Variants in GUCY1B1 observed in about 807,000 individuals in gnomAD.
GUCY1B1 encodes the protein guanylate cyclase 1 soluble subunit beta 1, also known as guanylate cyclase soluble subunit beta-1.
GUCY1B1 carries 43 observed loss-of-function variants against 71.0 expected under a neutral mutation model. The ratio of observed to expected loss-of-function variants is 0.61; its 90% CI spans 0.47 to 0.78. The LOEUF (loss-of-function observed/expected upper bound fraction) is 0.78, where lower values mean the gene tolerates loss of function less well. Among genes scored for constraint, GUCY1B1 ranks in the 30% least tolerant of loss-of-function variants. GUCY1B1 has a pLI of 0.00. For missense variants in GUCY1B1, 535 were observed against 754.1 expected (o/e 0.71, Z 3.40); for synonymous variants, 266 against 259.7 (o/e 1.02, Z -0.23).
chr4:155,779,521 C>T (rs1738277026), intron 4 of GUCY1B1, among the ~76,000 whole-genome samples: 1 of 151,480 alleles, frequency 6.6e-6, no homozygotes, highest in Admixed American at 6.6e-5. Flanking sequence ...TTTTATTTCT[C>T]TTTCAACGTG....
intron 2 of GUCY1B1, among the ~76,000 whole-genome samples, chr4:155,762,929 CAA>C (rs1737095679): frequency 6.6e-6 from 1 of 152,064 alleles, no homozygotes; most frequent in African/African-American, 2.4e-5. Flanking sequence ...TGTGAAAAAG[CAA>C]AAGAGACCTC....
At chr4:155,799,366 G>A (rs576837369) in intron 8 of GUCY1B1, among the ~76,000 whole-genome samples, 94 of 152,270 alleles carry the variant, frequency 6.2e-4, no homozygotes, top group African/African-American at 2.2e-3. Context: ...TAAATTACAT[G>A]CTGAGGCTGG....
At chr4:155,799,179 A>G (rs1275376006) in intron 8 of GUCY1B1, among the ~76,000 whole-genome samples, 3 of 152,176 alleles carry the variant, frequency 2.0e-5, no homozygotes, top group African/African-American at 7.2e-5. Context: ...TTTACTTGTC[A>G]GATTATCACT....
intron 11 of GUCY1B1, among the ~76,000 whole-genome samples, chr4:155,804,343 C>T (rs1740163535): frequency 6.6e-6 from 1 of 152,028 alleles, no homozygotes. Flanking sequence ...AGGGGAACAT[C>T]ACACACCGGG....
chr4:155,780,114 G>GT (rs1275726913), intron 4 of GUCY1B1, among the ~76,000 whole-genome samples: 5 of 152,024 alleles, frequency 3.3e-5, no homozygotes, highest in Non-Finnish European at 7.4e-5. Context: ...TCGTCGTATC[G>GT]TTTTCTTGCT....
chr4:155,775,337 T>C (rs1737968592), intron 3 of GUCY1B1, among the ~76,000 whole-genome samples: 1 of 152,204 alleles, frequency 6.6e-6, no homozygotes, highest in African/African-American at 2.4e-5. Flanking sequence ...TCACCCAGGC[T>C]GCACTGCAGT....
intron 9 of GUCY1B1, among the ~76,000 whole-genome samples, chr4:155,800,623 T>C (rs1739880843): frequency 6.6e-6 from 1 of 152,194 alleles, no homozygotes; most frequent in African/African-American, 2.4e-5. Flanking sequence ...AATATCAAAA[T>C]ATAAAACATT....
At chr4:155,759,908 G>T (rs533392888) in intron 2 of GUCY1B1, 48 bp downstream of exon 2, 72 of 1,406,264 alleles carry the variant, frequency 5.1e-5, no homozygotes, top group Middle Eastern at 1.8e-4. Flanking sequence ...CGCCCAGTGT[G>T]GGAGGCCCCC....
intron 2 of GUCY1B1, among the ~76,000 whole-genome samples, chr4:155,766,706 T>C (rs1303136264): frequency 6.6e-6 from 1 of 152,188 alleles, no homozygotes; most frequent in Non-Finnish European, 1.5e-5. Flanking sequence ...GACAATTTCA[T>C]ATGTCAAAAG....
chr4:155,785,505 G>A (rs1012240996), intron 4 of GUCY1B1, among the ~76,000 whole-genome samples: 10 of 152,050 alleles, frequency 6.6e-5, no homozygotes, highest in African/African-American at 2.2e-4. Flanking sequence ...CATTGTTAGA[G>A]CAATGTGGAT....
chr4:155,772,771 A>T, intron 2 of GUCY1B1: 2 of 702,530 alleles, frequency 2.8e-6, no homozygotes, highest in Non-Finnish European at 5.2e-6. Context: ...GCTCCGGTTC[A>T]TTTAGCTGGT....
At chr4:155,792,859 G>C (rs1174150140) in intron 5 of GUCY1B1, among the ~76,000 whole-genome samples, 1 of 152,060 alleles carries the variant, frequency 6.6e-6, no homozygotes. Flanking sequence ...CTTTAGAAAA[G>C]TAGGATTTTT....
At chr4:155,791,488 T>C (rs1459856383) in intron 5 of GUCY1B1, among the ~76,000 whole-genome samples, 2 of 145,398 alleles carry the variant, frequency 1.4e-5, no homozygotes, top group Non-Finnish European at 3.0e-5. Flanking sequence ...CCTAGCACTT[T>C]GGGAGGCCAA....
rs533765007 is a variant in GUCY1B1 at position 155,768,880 on chromosome 4, C to T, written c.78-6088C>T. On this transcript the variant is annotated intron_variant, in intron 2 of 13. Coordinates refer to ENST00000264424, the MANE Select transcript of GUCY1B1 (RefSeq NM_000857.5). ...AGAATTCGATCTTTATTTTTAAAGC[C>T]CTTAGGGGCAACAGAGCTTGTTTGT... is the stretch of plus-strand genomic sequence containing the variant. 5.3e-5 allele frequency among the ~76,000 whole-genome samples: 8 copies of T among 152,128 alleles called. No individual in the cohort carries two copies. The South Asian group carries it at 1.7e-3, about 32-fold the overall frequency.
In GUCY1B1 at chr4:155,807,428, T is replaced by C. The variant is rs924160245; in HGVS notation, c.*1019T>C. The C allele has an allele frequency of 6.6e-6, 1 of 152,190 alleles. No individual in the cohort carries two copies. Among genetic ancestry groups the C allele is most frequent in the African/African-American group, 2.4e-5 (1 of 41,470 alleles). The allele number at this position is 152,190 out of a possible 1,614,324, so 9.4% of individuals were successfully genotyped here. On this transcript the variant is annotated 3_prime_UTR_variant, in exon 14 of 14. Transcript: ENST00000264424. ...AATTGGCCTCTAGCTCTTAAATGTCTCTGATAACTTATTAATATCTATCTT... is the reference window on the plus strand; with the variant it reads ...AATTGGCCTCTAGCTCTTAAATGTCCCTGATAACTTATTAATATCTATCTT...
intron 2 of GUCY1B1, among the ~76,000 whole-genome samples, chr4:155,770,536 T>C (rs1737625926): frequency 6.6e-6 from 1 of 152,192 alleles, no homozygotes; most frequent in African/African-American, 2.4e-5. Flanking sequence ...CTGAAATTAA[T>C]TCTCTTAGTT....
At chr4:155,773,451 G>A (rs2111018776) in intron 2 of GUCY1B1, among the ~76,000 whole-genome samples, 1 of 152,266 alleles carries the variant, frequency 6.6e-6, no homozygotes, top group East Asian at 1.9e-4. Flanking sequence ...CACTAGTACT[G>A]TGTATGTTTT....
chr4:155,774,712 C>T (rs900144689), intron 2 of GUCY1B1, among the ~76,000 whole-genome samples: 38 of 152,120 alleles, frequency 2.5e-4, no homozygotes, highest in Middle Eastern at 3.4e-3. Context: ...TTGTATTGAG[C>T]AGTAGAGTAC....
chr4:155,802,234 G>A lies in GUCY1B1; in HGVS notation c.1176-108G>A, dbSNP rs955049583. On this transcript the variant is annotated intron_variant, in intron 9 of 13. Coordinates refer to ENST00000264424, the MANE Select transcript of GUCY1B1 (RefSeq NM_000857.5). This position sits in a 1 kb window ranked among gnomAD's most constrained non-coding sequence, Gnocchi z 4.3. ...TTAGAGGATGTCCTGCTAGAATCCA[G>A]GCCTTTAAAGTACAAACGACACTGA... is the stretch of plus-strand genomic sequence containing the variant. 6.5e-7 allele frequency: 1 copy of A among 1,544,060 alleles called. No individual in the cohort carries two copies. Among genetic ancestry groups the A allele is most frequent in the Non-Finnish European group, 8.7e-7 (1 of 1,147,996 alleles).
Sources: gnomAD v4.1 joint callset for allele counts (sites outside exome capture counted in the v4.1 genomes callset) on GRCh38, gnomAD v4.1.1 for gene constraint, Gnocchi (gnomAD v3.1) non-coding constraint, MANE v1.5 for transcripts, NCBI Gene and HGNC (gene_info 2026-07-23, HGNC 2026-07-21) for gene names.